ANKRD26: variants seen among roughly 807,000 people sequenced by gnomAD.
The protein encoded by ANKRD26 is ankyrin repeat domain 26.
A neutral mutation model predicts 208.7 loss-of-function variants in ANKRD26; 141 were observed. The observed-to-expected ratio is 0.68, with a 90% CI of 0.59 to 0.78. The LOEUF is 0.78. Among genes scored for constraint, ANKRD26 ranks in the 30% least tolerant of loss-of-function variants. The pLI is 0.00. For missense variants in ANKRD26, 1,889 were observed against 1,938.7 expected (o/e 0.97, Z 0.48); for synonymous variants, 636 against 660.4 (o/e 0.96, Z 0.57).
intron 3 of ANKRD26, among the ~76,000 whole-genome samples, chr10:26,984,176 T>C (rs1202246288): frequency 6.6e-6 from 1 of 152,194 alleles, no homozygotes; most frequent in Non-Finnish European, 1.5e-5. Flanking sequence ...GGGTTCTCCA[T>C]AAGATAGCAA....
At chr10:27,061,872 T>C (rs1390313295) in intron 12 of ANKRD26, 2 of 933,670 alleles carry the variant, frequency 2.1e-6, no homozygotes, top group Non-Finnish European at 1.3e-6. Context: ...CAAAGCAACA[T>C]ATATCTTTGA....
intron 15 of ANKRD26, among the ~76,000 whole-genome samples, chr10:27,057,886 G>A (rs1381228134): frequency 6.6e-6 from 1 of 150,822 alleles, no homozygotes; most frequent in Non-Finnish European, 1.5e-5. Flanking sequence ...GCAGTGAGCC[G>A]AGATCGTGCC....
chr10:27,018,182 T>G (rs1289732235), intron 29 of ANKRD26, among the ~76,000 whole-genome samples: 1 of 144,610 alleles, frequency 6.9e-6, no homozygotes, highest in East Asian at 2.1e-4. Flanking sequence ...TCGCCCAGGC[T>G]GGAGTGCAGT....
At chr10:27,064,194 G>T in intron 11 of ANKRD26, 113 bp from the exon 12 acceptor site, 2 of 849,164 alleles carry the variant, frequency 2.4e-6, no homozygotes, top group East Asian at 2.7e-5. Flanking sequence ...AAAGCAATTA[G>T]GCTTAAAAAT....
At chr10:27,000,809 T>A (rs1202262967), downstream of ANKRD26, among the ~76,000 whole-genome samples, 3 of 152,022 alleles carry the variant, frequency 2.0e-5, no homozygotes, top group African/African-American at 7.3e-5. Context: ...ATCGAGACCA[T>A]CCTGGCTAAT....
chr10:26,986,859 G>C (rs1327471553), intron 3 of ANKRD26, among the ~76,000 whole-genome samples: 1 of 152,240 alleles, frequency 6.6e-6, no homozygotes. Context: ...AACCATTGTG[G>C]AAGTCAATGT....
intron 5 of ANKRD26, among the ~76,000 whole-genome samples, chr10:27,084,218 C>CA (rs1275450082): frequency 0.15 from 12,277 of 82,150 alleles, 1,706 homozygotes; most frequent in African/African-American, 0.34. Flanking sequence ...AACTACATCT[C>CA]AAAAAAAAAA....
Position 27,077,339 on chromosome 10 carries a change from T to C in ANKRD26, c.1076A>G (p.Lys359Arg). 6.2e-7 allele frequency: 1 copy of C among 1,612,412 alleles called. No individual in the cohort carries two copies. The highest frequency in any genetic ancestry group is 1.1e-5 in the South Asian group (1 of 91,042). Residue 359 changes from lysine (K) to arginine (R), a missense_variant and splice_region_variant, in exon 9 of 34, where the codon AAG (lysine) becomes AGG (arginine). Physicochemically the swap from Lys to Arg is conservative, Grantham distance 26. Transcript: ENST00000376087. ...HKSLANPGLM[K>R]EEPTKPGIAK... is the part of the protein sequence containing the mutation. Reference sequence around the variant, plus strand: ...AAAGTTTTTTAAAAAACAACTTACCTTCATAAGACCAGGGTTTGCTAACGA... The same window carrying C: ...AAAGTTTTTTAAAAAACAACTTACCCTCATAAGACCAGGGTTTGCTAACGA...
intron 16 of ANKRD26, among the ~76,000 whole-genome samples, chr10:27,050,238 A>AG (rs2054604077): frequency 6.7e-6 from 1 of 149,682 alleles, no homozygotes; most frequent in African/African-American, 2.5e-5. Context: ...AAAAAAAAAA[A>AG]AAAAAAAAAG....
the ANKRD26 span, among the ~76,000 whole-genome samples, chr10:26,949,624 C>G: frequency 6.6e-6 from 1 of 152,292 alleles, no homozygotes; most frequent in Admixed American, 6.5e-5. Flanking sequence ...TCTGCCTCAG[C>G]CTCCCAAGTA....
chr10:27,076,592 T>C (rs898787744), intron 9 of ANKRD26, among the ~76,000 whole-genome samples: 5 of 151,998 alleles, frequency 3.3e-5, no homozygotes, highest in African/African-American at 9.7e-5. Flanking sequence ...ACACAGTTGA[T>C]AGACCACTAG....
the ANKRD26 span, among the ~76,000 whole-genome samples, chr10:26,950,224 C>T: frequency 6.6e-6 from 1 of 152,100 alleles, no homozygotes; most frequent in Non-Finnish European, 1.5e-5. Context: ...GTTCTCATGA[C>T]ATATGGTAGT....
At chr10:26,957,364 G>A in the ANKRD26 span, among the ~76,000 whole-genome samples, 1 of 152,012 alleles carries the variant, frequency 6.6e-6, no homozygotes, top group African/African-American at 2.4e-5. Context: ...CTACAGCCTG[G>A]GTGACAGAGT....
chr10:26,990,967 A>G (rs2052475351), downstream of ANKRD26, among the ~76,000 whole-genome samples: 2 of 152,244 alleles, frequency 1.3e-5, no homozygotes, highest in Admixed American at 6.5e-5. Flanking sequence ...AATAATGGGG[A>G]CCAGGCTAAA....
rs756341370 is a variant in ANKRD26 at position 27,029,296 on chromosome 10, G to C, written c.3868C>G (p.His1290Asp). Reference protein sequence around the residue: ...AVRCAEKMQDHKQKLEKDNAK... With the variant: ...AVRCAEKMQDDKQKLEKDNAK... Reference sequence around the variant, plus strand: ...TGCTTTAAATTTTACTTTTGCTTGTGATCTTGCATCTTCTCAGCACATCTG... The same window carrying C: ...TGCTTTAAATTTTACTTTTGCTTGTCATCTTGCATCTTCTCAGCACATCTG... The change falls in exon 26 of 34, where the codon CAC (histidine) becomes GAC (aspartate). Residue 1290 changes from histidine (H) to aspartate (D), a missense_variant. Physicochemically the swap from His to Asp is moderately conservative, Grantham distance 81. This residue lies in a region of ANKRD26 where 613 missense variants were observed against 648.2 expected (regional missense o/e 0.95). Transcript: ENST00000376087. 14 of 1,611,724 alleles carry C rather than the reference G, an allele frequency of 8.7e-6. No individual in the cohort carries two copies. Among genetic ancestry groups the C allele is most frequent in the Admixed American group, 1.7e-5 (1 of 59,862 alleles).
chr10:26,950,198 T>C, the ANKRD26 span, among the ~76,000 whole-genome samples: 2 of 152,188 alleles, frequency 1.3e-5, no homozygotes, highest in Non-Finnish European at 2.9e-5. Flanking sequence ...CATGCTGTTC[T>C]TGTGATAGTG....
In ANKRD26 at chr10:27,024,457, CTCTT is replaced by C. The variant is rs762341895; in HGVS notation, c.4071_4074del (p.Glu1359Ter). The C allele has an allele frequency of 8.7e-6, 13 of 1,498,070 alleles. No homozygotes were observed. Among genetic ancestry groups the C allele is most frequent in the African/African-American group, 2.8e-5 (2 of 72,614 alleles). The allele number at this position is 1,498,070 out of a possible 1,614,324, so 92.8% of individuals were successfully genotyped here. On this transcript the variant is annotated frameshift_variant, in exon 28 of 34. Transcript: ENST00000376087. LOFTEE classifies it high-confidence loss of function. Reference sequence around the variant, plus strand: ...ATATTAAAATCTTACCCAGTTATCTCTCTTTCTAATTCAACATTTTTCTTCATTT... The same window carrying C: ...ATATTAAAATCTTACCCAGTTATCTCTCTAATTCAACATTTTTCTTCATTT...
chr10:26,958,455 C>T, the ANKRD26 span, among the ~76,000 whole-genome samples: 1 of 152,098 alleles, frequency 6.6e-6, no homozygotes, highest in Non-Finnish European at 1.5e-5. Context: ...CCCTTAACCC[C>T]CTACAGGTGC....
At chr10:26,990,099 G>C (rs2052459466), downstream of ANKRD26, among the ~76,000 whole-genome samples, 1 of 152,094 alleles carries the variant, frequency 6.6e-6, no homozygotes, top group Admixed American at 6.6e-5. Context: ...TTGAGTTTTT[G>C]TGCATGCATT....
Sources: gnomAD v4.1 joint callset for allele counts (sites outside exome capture counted in the v4.1 genomes callset) on GRCh38, gnomAD v4.1.1 for gene constraint, gnomAD v4.1.1 regional missense constraint, MANE v1.5 for transcripts, NCBI Gene and HGNC (gene_info 2026-07-23, HGNC 2026-07-21) for gene names.